EIF2AK1: variants seen among roughly 807,000 people sequenced by gnomAD.
EIF2AK1 encodes eukaryotic translation initiation factor 2 alpha kinase 1.
A neutral mutation model predicts 77.9 loss-of-function variants in EIF2AK1; 54 were observed. The observed-to-expected ratio is 0.69, with a 90% CI of 0.56 to 0.87. The LOEUF (loss-of-function observed/expected upper bound fraction) is 0.87. Ranked by LOEUF, EIF2AK1 falls within the 40% of genes least tolerant of loss-of-function variation. The probability of loss-of-function intolerance (pLI) is 0.00; values close to 1 mark genes in which losing one functional copy is unlikely to be tolerated. For synonymous variants in EIF2AK1, 314 were observed against 290.5 expected, an observed-to-expected ratio of 1.08 and a Z score of -0.82; for missense variants, 810 against 768.6, an observed-to-expected ratio of 1.05 and a Z score of -0.64.
At chr7:6,043,460 G>A (rs1583490373) in intron 7 of EIF2AK1, among the ~76,000 whole-genome samples, 1 of 151,854 alleles carries the variant, frequency 6.6e-6, no homozygotes, top group Non-Finnish European at 1.5e-5. Flanking sequence ...AGGCAGTCTC[G>A]CTCTGTTGCC....
At position 6,041,116 on chromosome 7, in the gene EIF2AK1, T is replaced by C. The variant is rs768743679; in HGVS notation, c.895A>G (p.Asn299Asp). 1.9e-6 allele frequency: 3 copies of C among 1,614,088 alleles called. No homozygotes were observed. Among genetic ancestry groups the C allele is most frequent in the Non-Finnish European group, 2.5e-6 (3 of 1,180,022 alleles). The change falls in exon 9 of 15, where the codon AAT (asparagine) becomes GAT (aspartate). Residue 299 changes from asparagine to aspartate, a missense_variant. Physicochemically the swap from Asn to Asp is conservative, Grantham distance 23. Coordinates refer to ENST00000199389, the MANE Select transcript of EIF2AK1 (RefSeq NM_014413.4). ...EKRFGESDTE[N>D]QNNKSVKYTT... ...TACTTCACCGACTTGTTATTCTGAT[T>C]TTCAGTGTCAGATTCTCCAAAGCGT...
chr7:6,038,587 C>T lies in EIF2AK1; in HGVS notation c.1204G>A (p.Gly402Ser). 6.2e-7 allele frequency: 1 copy of T among 1,612,970 alleles called. No individual in the cohort carries two copies. Among genetic ancestry groups the T allele is most frequent in the South Asian group, 1.1e-5 (1 of 90,804 alleles). ...WDWIVERNKR[G>S]REYVDESACP... ...GCAGACTCGTCCACATACTCCCGGC[C>T]CCGCTTGTTTCTCTCGACTATCCAA... Residue 402 changes from glycine to serine, a missense_variant, in exon 10 of 15, where the codon GGC becomes AGC. Physicochemically the swap from Gly to Ser is moderately conservative, Grantham distance 56. Coordinates refer to ENST00000199389, the MANE Select transcript of EIF2AK1 (RefSeq NM_014413.4).
intron 7 of EIF2AK1, 146 bp downstream of exon 7, chr7:6,044,416 C>T (rs934245106): frequency 5.4e-5 from 33 of 616,646 alleles, no homozygotes; most frequent in South Asian, 4.0e-4. Flanking sequence ...GCAGCCTGGG[C>T]GACAGAGTGA....
At chr7:6,040,654 A>G (rs6463527) in intron 9 of EIF2AK1, among the ~76,000 whole-genome samples, 103,136 of 152,022 alleles carry the variant, frequency 0.68, 35,256 homozygotes, top group East Asian at 0.85. Context: ...GTACACACTC[A>G]AGATGATCTG....
chr7:6,044,203 G>A (rs1465489294), intron 7 of EIF2AK1, among the ~76,000 whole-genome samples: 1 of 152,052 alleles, frequency 6.6e-6, no homozygotes, highest in East Asian at 1.9e-4. Context: ...GGTGGCTCAT[G>A]CCTGTAATCT....
chr7:6,029,591 G>A (rs1312302270), intron 11 of EIF2AK1, among the ~76,000 whole-genome samples: 2 of 152,106 alleles, frequency 1.3e-5, no homozygotes, highest in Non-Finnish European at 2.9e-5. Context: ...AAAGTCCCAA[G>A]GCTATTCTAA....
chr7:6,026,393 C>G (rs1226052523), intron 14 of EIF2AK1: 1 of 513,790 alleles, frequency 1.9e-6, no homozygotes. Context: ...CCGGCCTTTC[C>G]GGGAAGGAGT....
chr7:6,052,523 C>T (rs1294339577), intron 2 of EIF2AK1, among the ~76,000 whole-genome samples: 1 of 124,868 alleles, frequency 8.0e-6, no homozygotes, highest in Non-Finnish European at 1.6e-5. Flanking sequence ...GTATCTTTAA[C>T]TAAAAACGCA....
intron 14 of EIF2AK1, chr7:6,026,377 G>T: frequency 2.0e-6 from 1 of 488,706 alleles, no homozygotes; most frequent in South Asian, 1.6e-5. Context: ...AACCCTGCGG[G>T]CCCCTCCGGC....
Position 6,041,184 on chromosome 7 carries a change from C to T in EIF2AK1, c.827G>A (p.Ser276Asn). The T allele has an allele frequency of 1.2e-6, 2 of 1,611,050 alleles. No homozygotes were observed. Among genetic ancestry groups the T allele is most frequent in the Non-Finnish European group, 1.7e-6 (2 of 1,179,412 alleles). ...GGGCTCAGCAAAGATAATGGATGAGCTGCTACTTTCATCATTTTTAACACC... is the reference window on the plus strand; with the variant it reads ...GGGCTCAGCAAAGATAATGGATGAGTTGCTACTTTCATCATTTTTAACACC... ...QCGVKNDESS[S>N]SSIIFAEPTP... The change falls in exon 9 of 15, where the codon AGC (serine) becomes AAC (asparagine). Residue 276 changes from serine (S) to asparagine (N), a missense_variant. Physicochemically the swap from Ser to Asn is conservative, Grantham distance 46. Coordinates refer to ENST00000199389, the MANE Select transcript of EIF2AK1 (RefSeq NM_014413.4).
At position 6,049,984 on chromosome 7, in the gene EIF2AK1, A is replaced by T. The variant is rs766138857; in HGVS notation, c.339T>A (p.Phe113Leu). The T allele has an allele frequency of 7.4e-6, 12 of 1,613,372 alleles. 1 individual carries two copies. In the Middle Eastern group the frequency reaches 1.3e-3, roughly 178 times the overall value. Reference protein sequence around the residue: ...LLSSFTCSDEFSSLRLHHNRA... With the variant: ...LLSSFTCSDELSSLRLHHNRA... ...TGTTGTGATGTAGTCTCAATGAGCTAAACTCGTCACTACAAGTGAAAGAAG... is the reference window on the plus strand; with the variant it reads ...TGTTGTGATGTAGTCTCAATGAGCTTAACTCGTCACTACAAGTGAAAGAAG... Residue 113 changes from phenylalanine to leucine, a missense_variant, in exon 3 of 15, where the codon TTT (phenylalanine) becomes TTA (leucine). Transcript: ENST00000199389.
chr7:6,029,021 A>G lies in EIF2AK1; in HGVS notation c.1344T>C (p.Ile448=), dbSNP rs1787826842. 13 of 1,610,054 alleles carry G rather than the reference A, an allele frequency of 8.1e-6. No homozygotes were observed. The East Asian group carries it at 2.7e-4, about 33-fold the overall frequency. Residue 448 remains isoleucine (I), a synonymous_variant, in exon 12 of 15, where the codon ATT becomes ATC. Coordinates refer to ENST00000199389, the MANE Select transcript of EIF2AK1 (RefSeq NM_014413.4). ...CTTGCTGATCAGGGCCATGAAGAAA[A>G]ATATTTCTTGGCTATCAACAAACAA... The part of the protein sequence containing the change: ...IVHRDLKPRN[I]FLHGPDQQVK...
chr7:6,029,563 C>T (rs1787842820), intron 11 of EIF2AK1, among the ~76,000 whole-genome samples: 1 of 151,890 alleles, frequency 6.6e-6, no homozygotes, highest in South Asian at 2.1e-4. Context: ...CGGGTGAACG[C>T]AAGCATCAGT....
Position 6,024,394 on chromosome 7 carries a change from C to T in EIF2AK1, c.*279G>A. The T allele has an allele frequency of 7.7e-7, 1 of 1,298,340 alleles. No homozygotes were observed. Among genetic ancestry groups the T allele is most frequent in the Non-Finnish European group, 9.8e-7 (1 of 1,017,036 alleles). 80.4% of individuals were successfully genotyped at this position (1,298,340 alleles called of 1,614,324 possible). On this transcript the variant is annotated 3_prime_UTR_variant, in exon 15 of 15. Coordinates refer to ENST00000199389, the MANE Select transcript of EIF2AK1 (RefSeq NM_014413.4). ...TCTGCGGTACCTTCTAGAGGAAGAC[C>T]AGACAGAGGGTCAACAGAGTTGAAA... is the stretch of plus-strand genomic sequence containing the variant.
At position 6,023,130 on chromosome 7, in the gene EIF2AK1, C is replaced by A. The variant is rs982352361; in HGVS notation, c.*1543G>T. On this transcript the variant is annotated 3_prime_UTR_variant, in exon 15 of 15. Transcript: ENST00000199389. ...TTTTAACATAGTTTGCACTTAAACC[C>A]TTTTCAGTAGTAAGCATCTTAGAGA... 7 of 745,962 alleles carry A rather than the reference C, an allele frequency of 9.4e-6. No homozygotes were observed. Among genetic ancestry groups the A allele is most frequent in the African/African-American group, 1.8e-5 (1 of 56,656 alleles). 46.2% of individuals were successfully genotyped at this position (745,962 alleles called of 1,614,324 possible).
At chr7:6,043,617 TG>T (rs1788360355) in intron 7 of EIF2AK1, among the ~76,000 whole-genome samples, 1 of 151,322 alleles carries the variant, frequency 6.6e-6, no homozygotes, top group Non-Finnish European at 1.5e-5. Flanking sequence ...TTATTAGAGA[TG>T]GGGTTTCACC....
intron 8 of EIF2AK1, 33 bp downstream of exon 8, chr7:6,042,900 A>G: frequency 6.3e-7 from 1 of 1,580,630 alleles, no homozygotes; most frequent in Non-Finnish European, 8.7e-7. Context: ...GCAGGTGACA[A>G]GAGGTAATGT....
At position 6,022,870 on chromosome 7, in the gene EIF2AK1, C is replaced by G. The variant is rs1787532353; in HGVS notation, c.*1803G>C. 1 of 168,514 alleles carries G rather than the reference C, an allele frequency of 5.9e-6. No homozygotes were observed. The highest frequency in any genetic ancestry group is 1.3e-5 in the Non-Finnish European group (1 of 77,808). 10.4% of individuals were successfully genotyped at this position (168,514 alleles called of 1,614,324 possible). ...TATTGACTATCCCACAGATGTATGC[C>G]TCTTCTGGTTTATGTTGATATGGAG... On this transcript the variant is annotated 3_prime_UTR_variant, in exon 15 of 15. Transcript: ENST00000199389.
rs538961730 is a variant in EIF2AK1, at chr7:6,028,902, A to C, written c.1447+16T>G. Reference sequence around the variant, plus strand: ...TTTGCTTATGCAAAGAAAACAAAACAAAACCAAAAACTTACTCTTCCCGTT... The same window carrying C: ...TTTGCTTATGCAAAGAAAACAAAACCAAACCAAAAACTTACTCTTCCCGTT... On this transcript the variant is annotated intron_variant, in intron 12 of 14. Coordinates refer to ENST00000199389, the MANE Select transcript of EIF2AK1 (RefSeq NM_014413.4). The C allele has an allele frequency of 1.2e-5, 19 of 1,590,264 alleles. No homozygotes were observed. Among genetic ancestry groups the C allele is most frequent in the Middle Eastern group, 1.7e-4 (1 of 5,966 alleles).
Sources: allele counts gnomAD v4.1 joint callset (sites outside exome capture counted in the v4.1 genomes callset), GRCh38; gene constraint gnomAD v4.1.1; transcripts MANE v1.5; gene names NCBI Gene and HGNC (gene_info 2026-07-23, HGNC 2026-07-21).